MKLN1: variants seen among roughly 807,000 people sequenced by gnomAD.
MKLN1 encodes muskelin 1.
MKLN1 carries 18 observed loss-of-function variants against 99.0 expected under a neutral mutation model. The ratio of observed to expected loss-of-function variants is 0.18; its 90% confidence interval spans 0.13 to 0.27. The LOEUF (loss-of-function observed/expected upper bound fraction) is 0.27. MKLN1 is among the 10% of genes least tolerant of loss of function. The pLI is 1.00. For synonymous variants in MKLN1, 288 were observed against 293.2 expected (o/e 0.98, Z 0.18); for missense variants, 621 against 875.9 (o/e 0.71, Z 3.67).
At chr7:131,165,332 C>T (rs894793630) in intron 2 of MKLN1, among the ~76,000 whole-genome samples, 8 of 152,090 alleles carry the variant, frequency 5.3e-5, no homozygotes, top group African/African-American at 1.2e-4. Context: ...ATTACAGGCA[C>T]GCGATACCAT....
chr7:131,456,243 TATTATA>T (rs1176172920), intron 12 of MKLN1, among the ~76,000 whole-genome samples: 1 of 152,098 alleles, frequency 6.6e-6, no homozygotes, highest in African/African-American at 2.4e-5. Context: ...TCATTTTTAT[TATTATA>T]ATTATTATAA....
chr7:131,452,947 T>G lies in MKLN1; in HGVS notation c.1525+7044T>G, dbSNP rs1419789330. Among the ~76,000 whole-genome samples, 8 of 152,358 alleles carry G rather than the reference T, an allele frequency of 5.3e-5. No homozygotes were observed. In the East Asian group the frequency reaches 1.4e-3, roughly 26 times the overall value. On this transcript the variant is annotated intron_variant, in intron 12 of 17. Transcript: ENST00000352689. ...ATTTGCTGTCATTAACATAGATTAG[T>G]TACTGGACTAGAAAATGGTAGCGCT... is the stretch of plus-strand genomic sequence containing the variant.
chr7:131,115,298 G>A (rs1795257508), intron 1 of MKLN1, among the ~76,000 whole-genome samples: 1 of 152,194 alleles, frequency 6.6e-6, no homozygotes, highest in Non-Finnish European at 1.5e-5. Flanking sequence ...AAAGCATGTA[G>A]ATATTCTTGA....
chr7:131,116,509 A>G (rs1795280344), intron 1 of MKLN1, among the ~76,000 whole-genome samples: 1 of 152,090 alleles, frequency 6.6e-6, no homozygotes, highest in Admixed American at 6.5e-5. Context: ...CTGCAAATCA[A>G]TTCACACATT....
At chr7:131,247,447 C>T (rs1797509535) in intron 3 of MKLN1, among the ~76,000 whole-genome samples, 2 of 152,192 alleles carry the variant, frequency 1.3e-5, no homozygotes, top group East Asian at 1.9e-4. Flanking sequence ...AACTCCTGAC[C>T]TTGTGATCTG....
At chr7:131,293,690 C>A (rs771287114) in intron 3 of MKLN1, among the ~76,000 whole-genome samples, 2 of 152,082 alleles carry the variant, frequency 1.3e-5, no homozygotes, top group Non-Finnish European at 2.9e-5. Context: ...CCTGTAGTAC[C>A]AGCTACTCCA....
chr7:131,157,665 T>A (rs183061598), intron 2 of MKLN1, among the ~76,000 whole-genome samples: 2 of 152,294 alleles, frequency 1.3e-5, no homozygotes, highest in Admixed American at 6.5e-5. Flanking sequence ...TTTTGACCTC[T>A]TTTTTCATGC....
intron 3 of MKLN1, among the ~76,000 whole-genome samples, chr7:131,232,353 A>G (rs1321839694): frequency 6.6e-6 from 1 of 152,228 alleles, no homozygotes; most frequent in Non-Finnish European, 1.5e-5. Context: ...GCCACAAAGA[A>G]ATAAAAGAGT....
At chr7:131,133,636 G>A (rs1563226471) in intron 1 of MKLN1, among the ~76,000 whole-genome samples, 2 of 151,220 alleles carry the variant, frequency 1.3e-5, no homozygotes, top group Non-Finnish European at 2.9e-5. Flanking sequence ...ATAGGCGTGA[G>A]CCACCGCGCC....
intron 8 of MKLN1, among the ~76,000 whole-genome samples, chr7:131,427,602 G>A (rs1048585756): frequency 3.9e-5 from 6 of 152,116 alleles, no homozygotes; most frequent in Non-Finnish European, 2.9e-5. Context: ...ACCCCAGGCT[G>A]GAGTGCAGTG....
At chr7:131,180,328 A>G (rs1796360684) in intron 2 of MKLN1, among the ~76,000 whole-genome samples, 1 of 152,242 alleles carries the variant, frequency 6.6e-6, no homozygotes, top group African/African-American at 2.4e-5. Context: ...CAAATGGTGC[A>G]AATGTTACCA....
intron 3 of MKLN1, among the ~76,000 whole-genome samples, chr7:131,267,406 C>T (rs1171521707): frequency 6.6e-6 from 1 of 152,164 alleles, no homozygotes; most frequent in Non-Finnish European, 1.5e-5. Flanking sequence ...CCTCTTCCCT[C>T]CACCAGGGTC....
chr7:131,387,091 G>T (rs750705666), intron 2 of MKLN1, 29 bp from the exon 3 acceptor site: 1 of 1,566,606 alleles, frequency 6.4e-7, no homozygotes, highest in Admixed American at 2.0e-5. Context: ...AAACAGAAGA[G>T]GATATAATTT....
intron 1 of MKLN1, among the ~76,000 whole-genome samples, chr7:131,127,283 G>T (rs1359101459): frequency 1.3e-5 from 2 of 152,166 alleles, no homozygotes; most frequent in Non-Finnish European, 2.9e-5. Context: ...CTTGGAAGTG[G>T]CAGTGTAGCC....
At chr7:131,233,491 C>T (rs1267485178) in intron 3 of MKLN1, among the ~76,000 whole-genome samples, 1 of 151,676 alleles carries the variant, frequency 6.6e-6, no homozygotes. Flanking sequence ...AAGTTGTATA[C>T]TTTTCAGAAG....
At chr7:131,210,546 AC>A (rs995212576) in intron 3 of MKLN1, among the ~76,000 whole-genome samples, 28 of 144,970 alleles carry the variant, frequency 1.9e-4, no homozygotes, top group Admixed American at 1.1e-3. Flanking sequence ...AAATAAACAT[AC>A]AAAAAATTAG....
intron 2 of MKLN1, among the ~76,000 whole-genome samples, chr7:131,159,246 G>C (rs1228873296): frequency 1.3e-5 from 2 of 152,106 alleles, no homozygotes. Flanking sequence ...ATAAGCAAGG[G>C]TGGGGGACAG....
chr7:131,400,518 A>AATATATATATATATAT (rs56156009), intron 6 of MKLN1, among the ~76,000 whole-genome samples: 30 of 137,430 alleles, frequency 2.2e-4, no homozygotes, highest in African/African-American at 6.2e-4. Flanking sequence ...ATAAAAAAAA[A>AATATATATATATATAT]ATATATATAT....
At chr7:131,346,663 T>C (rs1295081927) in intron 1 of MKLN1, among the ~76,000 whole-genome samples, 1 of 152,224 alleles carries the variant, frequency 6.6e-6, no homozygotes, top group African/African-American at 2.4e-5. Context: ...AGAGGGTACT[T>C]GAGCAGAAAA....
Sources: allele counts gnomAD v4.1 joint callset (sites outside exome capture counted in the v4.1 genomes callset), GRCh38; gene constraint gnomAD v4.1.1; transcripts MANE v1.5; gene names NCBI Gene and HGNC (gene_info 2026-07-23, HGNC 2026-07-21).